Variants in STK32A observed in about 807,000 individuals in gnomAD.
The protein encoded by STK32A is serine/threonine kinase 32A.
A neutral mutation model predicts 53.2 loss-of-function variants in STK32A; 41 were observed. The ratio of observed to expected loss-of-function variants is 0.77; its 90% CI spans 0.60 to 1.00. STK32A has a LOEUF of 1.00. Ranked by LOEUF, STK32A falls within the 50% of genes least tolerant of loss-of-function variation. STK32A has a pLI of 0.00. For missense variants in STK32A, 458 were observed against 485.8 expected, an observed-to-expected ratio of 0.94 and a Z score of 0.54; for synonymous variants, 166 against 162.8, an observed-to-expected ratio of 1.02 and a Z score of -0.15.
intron 4 of STK32A, among the ~76,000 whole-genome samples, chr5:147,286,264 A>T (rs1752331636): frequency 6.6e-6 from 1 of 151,754 alleles, no homozygotes; most frequent in Admixed American, 6.6e-5. Flanking sequence ...TGGACTTTGG[A>T]GACTTAGGGG....
intron 10 of STK32A, 94 bp from the exon 11 acceptor site, chr5:147,374,996 C>G: frequency 8.5e-7 from 1 of 1,180,928 alleles, no homozygotes; most frequent in East Asian, 2.6e-5. Context: ...TGGACTGCTC[C>G]GTTAAGACTA....
At chr5:147,297,281 G>T (rs943553482) in intron 4 of STK32A, among the ~76,000 whole-genome samples, 1 of 152,130 alleles carries the variant, frequency 6.6e-6, no homozygotes, top group Non-Finnish European at 1.5e-5. Context: ...ACCTACTCAC[G>T]GAGGCCCCAA....
At chr5:147,313,063 C>CAAAAAAAAAA (rs71583952) in intron 4 of STK32A, among the ~76,000 whole-genome samples, 1 of 78,676 alleles carries the variant, frequency 1.3e-5, no homozygotes, top group Non-Finnish European at 2.6e-5. Flanking sequence ...CTCATCTCTA[C>CAAAAAAAAAA]AAAAAAAAAA....
chr5:147,347,825 C>T lies in STK32A; in HGVS notation c.473-3240C>T, dbSNP rs144622610. Among the ~76,000 whole-genome samples the T allele has an allele frequency of 6.8e-4, 104 of 152,270 alleles. 1 individual carries two copies. Among genetic ancestry groups the T allele is most frequent in the African/African-American group, 2.5e-3 (102 of 41,538 alleles). ...GATAGGTCACCATGGTAAGGAGAAG[C>T]AAGTCATGGCTGTAGCCGGACCTGG... On this transcript the variant is annotated intron_variant, in intron 6 of 12. Transcript: ENST00000397936.
At chr5:147,240,326 G>A (rs561963272) in intron 2 of STK32A, among the ~76,000 whole-genome samples, 10 of 152,246 alleles carry the variant, frequency 6.6e-5, no homozygotes, top group South Asian at 4.1e-4. Flanking sequence ...CAGCATTGGC[G>A]TATGCAGGTG....
At chr5:147,396,358 A>G in the STK32A span, among the ~76,000 whole-genome samples, 14 of 152,200 alleles carry the variant, frequency 9.2e-5, no homozygotes, top group African/African-American at 3.4e-4. Flanking sequence ...GCCAGGCACT[A>G]GGGCCTTTGG....
chr5:147,324,054 C>A lies in STK32A; in HGVS notation c.417C>A (p.Asn139Lys), dbSNP rs1284520220. 1 of 1,606,126 alleles carries A rather than the reference C, an allele frequency of 6.2e-7. No individual in the cohort carries two copies. Reference protein sequence around the residue: ...ELVMALDYLQNQRIIHRDMKP... With the variant: ...ELVMALDYLQKQRIIHRDMKP... ...TCATGGCCCTGGACTACCTGCAGAACCAGCGCATCATTCACAGGTCAGTCA... is the reference window on the plus strand; with the variant it reads ...TCATGGCCCTGGACTACCTGCAGAAACAGCGCATCATTCACAGGTCAGTCA... The change falls in exon 5 of 13, where the codon AAC becomes AAA. Residue 139 changes from asparagine to lysine, a missense_variant. By Grantham distance (94) the Asn-to-Lys change is moderately conservative. Transcript: ENST00000397936.
At chr5:147,320,392 A>G (rs1754250325) in intron 4 of STK32A, among the ~76,000 whole-genome samples, 1 of 152,198 alleles carries the variant, frequency 6.6e-6, no homozygotes, top group Non-Finnish European at 1.5e-5. Flanking sequence ...TAGAGCATTT[A>G]CATAAGACCC....
chr5:147,367,686 C>T (rs75630388), intron 8 of STK32A, among the ~76,000 whole-genome samples: 20 of 152,042 alleles, frequency 1.3e-4, no homozygotes, highest in South Asian at 2.1e-4. Flanking sequence ...AGGCAGGAAC[C>T]GGCCATTTTC....
rs1561738490 is a variant in STK32A at position 147,348,676 on chromosome 5, TTTG to T, written c.473-2383_473-2381del. ...CTGCTCATCTGAATCACCTGTGGAA[TTTG>T]TTGTTTTTAATACAGATACCTGGCT... On this transcript the variant is annotated intron_variant, in intron 6 of 12. Transcript: ENST00000397936. 3 of 770,610 alleles carry T rather than the reference TTTG, an allele frequency of 3.9e-6. No individual in the cohort carries two copies. The East Asian group carries it at 7.3e-5, about 19-fold the overall frequency. 47.7% of individuals were successfully genotyped at this position (770,610 alleles called of 1,614,324 possible).
chr5:147,260,789 G>T (rs1012825779), intron 2 of STK32A, among the ~76,000 whole-genome samples: 4 of 152,194 alleles, frequency 2.6e-5, no homozygotes, highest in Non-Finnish European at 5.9e-5. Context: ...GCCATATGAG[G>T]CAGCTAGGGA....
intron 8 of STK32A, among the ~76,000 whole-genome samples, chr5:147,365,416 T>C (rs942241749): frequency 2.6e-5 from 4 of 152,162 alleles, no homozygotes; most frequent in African/African-American, 9.7e-5. Flanking sequence ...GTCAAATTGA[T>C]GTGAAAGGAC....
In STK32A at chr5:147,362,513, C is replaced by T. The variant is rs12651731; in HGVS notation, c.660+899C>T. Among the ~76,000 whole-genome samples, 1,914 of 152,278 alleles carry T rather than the reference C, an allele frequency of 0.013. 125 individuals are homozygous for T. In the East Asian group the frequency reaches 0.19, roughly 15 times the overall value. ...CTCTCAGAGGCTCCATTTCCAAATA[C>T]CATCAAATTGAGGGTTAAGGCTTCA... On this transcript the variant is annotated intron_variant, in intron 8 of 12. Coordinates refer to ENST00000397936, the MANE Select transcript of STK32A (RefSeq NM_001112724.2).
At chr5:147,389,257 G>A (rs1413943167), downstream of STK32A, among the ~76,000 whole-genome samples, 1 of 152,154 alleles carries the variant, frequency 6.6e-6, no homozygotes, top group Non-Finnish European at 1.5e-5. Flanking sequence ...TTCATGCCCT[G>A]CAAGCTTGCG....
At chr5:147,331,056 C>T (rs1164742303) in intron 5 of STK32A, among the ~76,000 whole-genome samples, 1 of 152,102 alleles carries the variant, frequency 6.6e-6, no homozygotes, top group Non-Finnish European at 1.5e-5. Flanking sequence ...TGCAGCTAAT[C>T]ATTTTAGTCA....
chr5:147,361,127 C>T (rs578150268), intron 7 of STK32A, among the ~76,000 whole-genome samples: 3 of 152,262 alleles, frequency 2.0e-5, no homozygotes, highest in South Asian at 2.1e-4. Flanking sequence ...ACGTTGTCTG[C>T]GACTGTTATA....
intron 6 of STK32A, among the ~76,000 whole-genome samples, chr5:147,346,424 A>G (rs764744101): frequency 3.3e-5 from 5 of 152,194 alleles, no homozygotes. Context: ...TTTATGCAAC[A>G]CGATTCAGTA....
chr5:147,377,678 C>T (rs1239778464), intron 11 of STK32A, among the ~76,000 whole-genome samples: 1 of 152,134 alleles, frequency 6.6e-6, no homozygotes, highest in Non-Finnish European at 1.5e-5. Flanking sequence ...ACTGAAGTTT[C>T]TGTTACTTTA....
the STK32A span, chr5:147,397,940 T>C: frequency 7.7e-7 from 1 of 1,298,448 alleles, no homozygotes; most frequent in Non-Finnish European, 1.0e-6. Flanking sequence ...TTGCTGCTGA[T>C]TCACCAGGTA....
Sources: allele counts gnomAD v4.1 joint callset (sites outside exome capture counted in the v4.1 genomes callset), GRCh38; gene constraint gnomAD v4.1.1; transcripts MANE v1.5; gene names NCBI Gene and HGNC (gene_info 2026-07-23, HGNC 2026-07-21).